The following PTPRR variants were observed in gnomAD, a reference collection of about 807,000 sequenced individuals.
PTPRR encodes the protein protein tyrosine phosphatase receptor type R.
PTPRR carries 38 observed loss-of-function variants against 77.2 expected under a neutral mutation model. The observed-to-expected ratio is 0.49, with a 90% CI of 0.38 to 0.65. The LOEUF (loss-of-function observed/expected upper bound fraction) is 0.65, where lower values mean the gene tolerates loss of function less well. PTPRR is among the 30% of genes least tolerant of loss of function. The pLI is 0.00. For synonymous variants in PTPRR, 299 were observed against 283.1 expected, an observed-to-expected ratio of 1.06 and a Z score of -0.57; for missense variants, 744 against 799.2, an observed-to-expected ratio of 0.93 and a Z score of 0.83.
chr12:70,885,019 T>C (rs1329793905), intron 2 of PTPRR, among the ~76,000 whole-genome samples: 1 of 152,134 alleles, frequency 6.6e-6, no homozygotes, highest in Non-Finnish European at 1.5e-5. Flanking sequence ...GTTTACTCCT[T>C]TGGCTATTTT....
At chr12:70,751,704 G>A (rs1384822697) in intron 5 of PTPRR, among the ~76,000 whole-genome samples, 1 of 151,984 alleles carries the variant, frequency 6.6e-6, no homozygotes, top group Non-Finnish European at 1.5e-5. Context: ...ATTTTTTAGA[G>A]TAGTTTTAGG....
At chr12:70,695,004 C>T (rs543614132) in intron 8 of PTPRR, among the ~76,000 whole-genome samples, 2 of 152,086 alleles carry the variant, frequency 1.3e-5, no homozygotes, top group East Asian at 3.9e-4. Flanking sequence ...GTTTACACTG[C>T]AAAATAATTT....
At chr12:70,762,310 CACAG>C (rs971711555) in intron 3 of PTPRR, among the ~76,000 whole-genome samples, 18 of 152,054 alleles carry the variant, frequency 1.2e-4, no homozygotes, top group African/African-American at 4.3e-4. Context: ...CACACACACA[CACAG>C]AGAGCAGACA....
intron 2 of PTPRR, among the ~76,000 whole-genome samples, chr12:70,773,787 C>T (rs1891032960): frequency 6.6e-6 from 1 of 152,128 alleles, no homozygotes; most frequent in South Asian, 2.1e-4. Flanking sequence ...TAAAAAGCAT[C>T]TAATAGTACA....
intron 6 of PTPRR, among the ~76,000 whole-genome samples, chr12:70,737,818 C>T (rs1889922261): frequency 1.3e-5 from 2 of 152,194 alleles, no homozygotes; most frequent in South Asian, 2.1e-4. Flanking sequence ...CCACCATTTG[C>T]AGCCATGAAT....
chr12:70,727,344 G>A (rs1215352936), intron 6 of PTPRR, among the ~76,000 whole-genome samples: 1 of 151,852 alleles, frequency 6.6e-6, no homozygotes, highest in Non-Finnish European at 1.5e-5. Context: ...GTAGTTTCCA[G>A]AAAAGGGATT....
chr12:70,742,177 G>C (rs1890068824), intron 6 of PTPRR, among the ~76,000 whole-genome samples: 1 of 152,164 alleles, frequency 6.6e-6, no homozygotes, highest in Admixed American at 6.5e-5. Flanking sequence ...TACTCTTCAT[G>C]TTGAGAAAGT....
intron 1 of PTPRR, among the ~76,000 whole-genome samples, chr12:70,910,615 A>G (rs1893686217): frequency 6.6e-6 from 1 of 152,180 alleles, no homozygotes; most frequent in Non-Finnish European, 1.5e-5. Context: ...TTTAGGAGTT[A>G]CAAATAACAT....
intron 1 of PTPRR, among the ~76,000 whole-genome samples, chr12:70,909,680 C>T (rs1199202407): frequency 6.6e-6 from 1 of 152,154 alleles, no homozygotes; most frequent in Non-Finnish European, 1.5e-5. Flanking sequence ...CTGTCTAGTA[C>T]ATATTTCTCT....
At position 70,845,250 on chromosome 12, in the gene PTPRR, T is replaced by C. The variant is rs571326688; in HGVS notation, c.357+47429A>G. Among the ~76,000 whole-genome samples, 138 of 151,302 alleles carry C rather than the reference T, an allele frequency of 9.1e-4. 1 individual carries two copies. The highest frequency in any genetic ancestry group is 3.0e-3 in the African/African-American group (124 of 41,208). On this transcript the variant is annotated intron_variant, in intron 2 of 13. Transcript: ENST00000283228. ...AAGCTTATAGGTGTGCACAGGAAAATCTCCCTAAAACAAGAGAAAGTCATA... is the reference window on the plus strand; with the variant it reads ...AAGCTTATAGGTGTGCACAGGAAAACCTCCCTAAAACAAGAGAAAGTCATA...
At chr12:70,872,281 T>C (rs1165696740) in intron 2 of PTPRR, among the ~76,000 whole-genome samples, 5 of 152,164 alleles carry the variant, frequency 3.3e-5, no homozygotes, top group Non-Finnish European at 1.5e-5. Context: ...ACCAGGGTTA[T>C]TGAGCATGTG....
intron 1 of PTPRR, among the ~76,000 whole-genome samples, chr12:70,909,874 G>A (rs560502185): frequency 6.6e-6 from 1 of 152,164 alleles, no homozygotes; most frequent in South Asian, 2.1e-4. Context: ...GGTGGTTAGA[G>A]GTTTTTTTTC....
At chr12:70,697,136 T>C (rs115204056) in intron 8 of PTPRR, among the ~76,000 whole-genome samples, 3,418 of 152,304 alleles carry the variant, frequency 0.022, 145 homozygotes, top group African/African-American at 0.078. Context: ...CTCAGTTTTA[T>C]CTTTTAAGGA....
intron 11 of PTPRR, chr12:70,661,299 A>T (rs1886791360): frequency 3.0e-6 from 2 of 666,328 alleles, no homozygotes. Flanking sequence ...AAAGTGAGAA[A>T]GTCATACCTT....
chr12:70,712,005 C>T (rs767167321), intron 6 of PTPRR, among the ~76,000 whole-genome samples: 1 of 152,190 alleles, frequency 6.6e-6, no homozygotes, highest in Admixed American at 6.6e-5. Flanking sequence ...GCCATGTAAT[C>T]GTGGGCTTTG....
chr12:70,683,682 A>G lies in PTPRR; in HGVS notation c.1497+445T>C, dbSNP rs371057642. 9.2e-5 allele frequency among the ~76,000 whole-genome samples: 14 copies of G among 152,164 alleles called. No individual in the cohort carries two copies. The East Asian group carries it at 1.4e-3, about 15-fold the overall frequency. On this transcript the variant is annotated intron_variant, in intron 10 of 13. Transcript: ENST00000283228. ...ATATTACACTATTTATAAGTTTATT[A>G]TGTGTAGTGTTGTTTGTCTGTCTTC...
At chr12:70,712,118 C>T (rs1342890585) in intron 6 of PTPRR, among the ~76,000 whole-genome samples, 6 of 151,836 alleles carry the variant, frequency 4.0e-5, no homozygotes, top group African/African-American at 1.2e-4. Context: ...TTCTTTTTGG[C>T]CAGTGGAGAG....
chr12:70,800,128 T>G (rs1891587405), intron 2 of PTPRR, among the ~76,000 whole-genome samples: 1 of 152,154 alleles, frequency 6.6e-6, no homozygotes, highest in East Asian at 1.9e-4. Context: ...GCTATTTCGC[T>G]AAAATAAAAT....
chr12:70,917,109 C>T (rs916563849), intron 1 of PTPRR, among the ~76,000 whole-genome samples: 1 of 152,126 alleles, frequency 6.6e-6, no homozygotes, highest in Non-Finnish European at 1.5e-5. Flanking sequence ...AGGAGAAATG[C>T]TGAAGAAAAT....
Sources: gnomAD v4.1 joint callset for allele counts (sites outside exome capture counted in the v4.1 genomes callset) on GRCh38, gnomAD v4.1.1 for gene constraint, MANE v1.5 for transcripts, NCBI Gene and HGNC (gene_info 2026-07-23, HGNC 2026-07-21) for gene names.